The following ZNF536 variants were observed in gnomAD, a reference collection of about 807,000 sequenced individuals.
The protein encoded by ZNF536 is zinc finger protein 536.
ZNF536 carries 13 observed loss-of-function variants against 84.5 expected under a neutral mutation model. The observed-to-expected ratio is 0.15, with a 90% CI of 0.10 to 0.24. The LOEUF (loss-of-function observed/expected upper bound fraction) is 0.24. Ranked by LOEUF, ZNF536 falls within the 10% of genes least tolerant of loss-of-function variation. ZNF536 has a pLI of 1.00. For missense variants in ZNF536, 1,536 were observed against 1,747.5 expected, an observed-to-expected ratio of 0.88 and a Z score of 2.16; for synonymous variants, 811 against 742.5, an observed-to-expected ratio of 1.09 and a Z score of -1.50.
chr19:30,362,285 C>T (rs896081374), intron 3 of ZNF536, among the ~76,000 whole-genome samples: 3 of 152,048 alleles, frequency 2.0e-5, no homozygotes, highest in African/African-American at 7.3e-5. Context: ...CAGGCAGAGG[C>T]GGGCGGCTTT....
chr19:30,575,642 G>A (rs1237468363), intron 1 of ZNF536, among the ~76,000 whole-genome samples: 1 of 152,212 alleles, frequency 6.6e-6, no homozygotes, highest in Admixed American at 6.5e-5. Context: ...GAGGGCAGTG[G>A]GCAAATGGAA....
At chr19:30,545,046 T>C (rs892793086) in intron 3 of ZNF536, among the ~76,000 whole-genome samples, 12 of 152,150 alleles carry the variant, frequency 7.9e-5, no homozygotes, top group African/African-American at 2.7e-4. Context: ...CCTACAATGG[T>C]TCCCCACTCA....
intron 1 of ZNF536, among the ~76,000 whole-genome samples, chr19:30,663,648 CAA>C (rs917421295): frequency 3.9e-5 from 6 of 152,074 alleles, no homozygotes; most frequent in African/African-American, 1.4e-4. Context: ...CCTGAAATGT[CAA>C]AGAGTGCAGA....
intron 1 of ZNF536, among the ~76,000 whole-genome samples, chr19:30,694,903 GC>G (rs2147938872): frequency 6.6e-6 from 1 of 152,306 alleles, no homozygotes; most frequent in African/African-American, 2.4e-5. Context: ...AGTGAGGAGG[GC>G]AGGGCGTGGT....
At chr19:30,551,678 C>T (rs2045788379) in intron 4 of ZNF536, among the ~76,000 whole-genome samples, 1 of 152,200 alleles carries the variant, frequency 6.6e-6, no homozygotes, top group African/African-American at 2.4e-5. Flanking sequence ...CCGCCTTCCA[C>T]TCCTGGGAAG....
At chr19:30,528,728 A>G (rs2044687099) in intron 2 of ZNF536, among the ~76,000 whole-genome samples, 1 of 152,080 alleles carries the variant, frequency 6.6e-6, no homozygotes, top group African/African-American at 2.4e-5. Flanking sequence ...CTCTGTCTTC[A>G]TTTCCTTCAT....
At chr19:30,455,815 C>T (rs530394697) in intron 2 of ZNF536, among the ~76,000 whole-genome samples, 2 of 152,176 alleles carry the variant, frequency 1.3e-5, no homozygotes, top group Admixed American at 6.5e-5. Flanking sequence ...CTATCAAACT[C>T]GAGGTGAACA....
chr19:30,245,148 C>T (rs1436681569), intron 1 of ZNF536, among the ~76,000 whole-genome samples: 2 of 152,206 alleles, frequency 1.3e-5, no homozygotes, highest in East Asian at 1.9e-4. Context: ...GTTTCCTCTG[C>T]ATGGGACCCC....
chr19:30,647,472 T>C (rs1188911462), intron 1 of ZNF536, among the ~76,000 whole-genome samples: 1 of 152,238 alleles, frequency 6.6e-6, no homozygotes, highest in African/African-American at 2.4e-5. Context: ...TTAGACACTC[T>C]AATTTCTTTC....
At position 30,444,439 on chromosome 19, in the gene ZNF536, A is replaced by C. The variant is rs1182786583; in HGVS notation, c.877A>C (p.Ile293Leu). The C allele has an allele frequency of 6.2e-7, 1 of 1,609,582 alleles. No individual in the cohort carries two copies. Among genetic ancestry groups the C allele is most frequent in the Non-Finnish European group, 8.5e-7 (1 of 1,179,912 alleles). ...FKKREELDRH[I>L]RILHKPYKCT... ...GAAGCGCGAGGAGCTGGACCGCCAC[A>C]TCCGCATCTTGCACAAGCCCTACAA... is the stretch of plus-strand genomic sequence containing the variant. Residue 293 changes from isoleucine to leucine, a missense_variant, in exon 2 of 5, where the codon ATC (isoleucine) becomes CTC (leucine). Ile to Leu is a conservative substitution (Grantham distance 5, BLOSUM62 2). Transcript: ENST00000355537.
intron 2 of ZNF536, among the ~76,000 whole-genome samples, chr19:30,348,814 C>CTTTT (rs5827705): frequency 7.5e-6 from 1 of 132,666 alleles, no homozygotes. Flanking sequence ...TTTTTCTTTT[C>CTTTT]TTTTTTTTTT....
chr19:30,282,791 G>A lies in ZNF536; in HGVS notation c.-189-1281G>A, dbSNP rs546470571. On this transcript the variant is annotated intron_variant, in intron 1 of 5. Coordinates refer to the ZNF536 transcript ENST00000585628. ...CACGGGGAAAAAAACAAAAAAAAAT[G>A]CAAAAGATCATCTGGTTCAGGGAAG... Among the ~76,000 whole-genome samples, 127 of 152,178 alleles carry A rather than the reference G, an allele frequency of 8.3e-4. 1 individual carries two copies. Among genetic ancestry groups the A allele is most frequent in the Admixed American group, 3.5e-3 (54 of 15,284 alleles).
chr19:30,642,698 G>T (rs1271237921), intron 1 of ZNF536, among the ~76,000 whole-genome samples: 2 of 152,190 alleles, frequency 1.3e-5, no homozygotes, highest in South Asian at 4.1e-4. Context: ...ATCCCACTGA[G>T]AAAGGAGAGA....
intron 1 of ZNF536, among the ~76,000 whole-genome samples, chr19:30,397,366 C>T (rs1421969147): frequency 2.6e-5 from 4 of 152,228 alleles, no homozygotes; most frequent in African/African-American, 9.6e-5. Flanking sequence ...ACACACACCA[C>T]ACTCACAGAT....
chr19:30,637,569 C>T (rs941567320), intron 1 of ZNF536, among the ~76,000 whole-genome samples: 2 of 152,320 alleles, frequency 1.3e-5, no homozygotes, highest in East Asian at 3.9e-4. Flanking sequence ...ATAAAGCAAG[C>T]ATTCATCCTT....
intron 2 of ZNF536, among the ~76,000 whole-genome samples, chr19:30,301,313 C>T (rs926479904): frequency 6.6e-5 from 10 of 152,182 alleles, no homozygotes; most frequent in Admixed American, 1.3e-4. Flanking sequence ...AGCTGAGGTG[C>T]GTGCACTGTG....
intron 1 of ZNF536, among the ~76,000 whole-genome samples, chr19:30,277,616 G>A (rs1479648718): frequency 1.3e-5 from 2 of 152,228 alleles, no homozygotes; most frequent in Non-Finnish European, 2.9e-5. Flanking sequence ...GGCAACTGCT[G>A]TCTACCTCCA....
At chr19:30,544,781 A>G (rs1393029164) in intron 3 of ZNF536, among the ~76,000 whole-genome samples, 1 of 152,220 alleles carries the variant, frequency 6.6e-6, no homozygotes, top group Non-Finnish European at 1.5e-5. Flanking sequence ...CACTGGCTCT[A>G]TTCAGGAGAC....
At chr19:30,383,695 T>TC (rs780677284) in intron 1 of ZNF536, among the ~76,000 whole-genome samples, 1 of 7,958 alleles carries the variant, frequency 1.3e-4, no homozygotes, top group East Asian at 1.2e-3. Context: ...TTCCTTTCTT[T>TC]TCTTTCTCTT....
Sources: allele counts gnomAD v4.1 joint callset (sites outside exome capture counted in the v4.1 genomes callset), GRCh38; gene constraint gnomAD v4.1.1; transcripts MANE v1.5; gene names NCBI Gene and HGNC (gene_info 2026-07-23, HGNC 2026-07-21).